Variants in NSUN4 observed in about 807,000 individuals in gnomAD.
NSUN4 encodes the protein 5-cytosine rRNA methyltransferase NSUN4.
A neutral mutation model predicts 43.8 loss-of-function variants in NSUN4; 31 were observed. The observed-to-expected ratio is 0.71, with a 90% CI of 0.53 to 0.96. The LOEUF (loss-of-function observed/expected upper bound fraction) is 0.96. NSUN4 is among the 40% of genes least tolerant of loss of function. The pLI is 0.00. For missense variants in NSUN4, 439 were observed against 475.6 expected, an observed-to-expected ratio of 0.92 and a Z score of 0.72; for synonymous variants, 167 against 184.1, an observed-to-expected ratio of 0.91 and a Z score of 0.75.
At chr1:46,357,445 C>T (rs776245470) in intron 4 of NSUN4, among the ~76,000 whole-genome samples, 6 of 152,190 alleles carry the variant, frequency 3.9e-5, no homozygotes, top group Non-Finnish European at 5.9e-5. Context: ...GGCCTCTCAA[C>T]ATGAACATTT....
chr1:46,383,013 C>T, the NSUN4 span, among the ~76,000 whole-genome samples: 23 of 152,266 alleles, frequency 1.5e-4, 1 homozygote, highest in East Asian at 2.9e-3. Context: ...TGTCTGTATC[C>T]GTGTAATTCA....
At chr1:46,352,584 G>C (rs1663079391) in intron 3 of NSUN4, among the ~76,000 whole-genome samples, 1 of 151,946 alleles carries the variant, frequency 6.6e-6, no homozygotes, top group Non-Finnish European at 1.5e-5. Context: ...GAAAGAAAGG[G>C]GAGAAAGGGG....
At chr1:46,384,745 C>T in the NSUN4 span, among the ~76,000 whole-genome samples, 1 of 152,072 alleles carries the variant, frequency 6.6e-6, no homozygotes, top group Non-Finnish European at 1.5e-5. Context: ...TCCCTTTCCG[C>T]TGTATCAAAA....
the NSUN4 span, among the ~76,000 whole-genome samples, chr1:46,382,219 G>A: frequency 6.6e-6 from 1 of 152,170 alleles, no homozygotes. Flanking sequence ...ACCTCCACCC[G>A]GGAGCCCCTC....
chr1:46,384,955 G>T, the NSUN4 span, among the ~76,000 whole-genome samples: 1 of 152,168 alleles, frequency 6.6e-6, no homozygotes, highest in African/African-American at 2.4e-5. Context: ...TAATTCCTAA[G>T]AAATTGATCT....
At chr1:46,380,060 C>T in the NSUN4 span, among the ~76,000 whole-genome samples, 1 of 152,090 alleles carries the variant, frequency 6.6e-6, no homozygotes, top group Non-Finnish European at 1.5e-5. Context: ...GAAAGGCTCA[C>T]AGAAGAGAAA....
At chr1:46,355,405 C>A (rs975663296) in intron 4 of NSUN4, among the ~76,000 whole-genome samples, 2 of 152,136 alleles carry the variant, frequency 1.3e-5, no homozygotes, top group African/African-American at 4.8e-5. Flanking sequence ...GTCCTGGTTC[C>A]ATTACTTATC....
Position 46,346,543 on chromosome 1 carries a change from CTG to C in NSUN4, c.438-374_438-373del, listed in dbSNP as rs1478812489. ...CTCCAGCCTGGGCAACAGAGCGAGA[CTG>C]TGTCTCAAAAAAAAAAAAAAAAAAA... On this transcript the variant is annotated intron_variant, in intron 2 of 5. Transcript: ENST00000474844. 6.1e-3 allele frequency among the ~76,000 whole-genome samples: 659 copies of C among 107,916 alleles called. 4 individuals carry two copies. The highest frequency in any genetic ancestry group is 0.024 in the African/African-American group (602 of 25,536). 70.8% of individuals were successfully genotyped at this position (107,916 alleles called of 152,430 possible).
intron 1 of NSUN4, chr1:46,342,023 A>G (rs548983123): frequency 4.4e-4 from 514 of 1,165,852 alleles, no homozygotes; most frequent in Middle Eastern, 1.9e-3. Context: ...TGGAAACTGG[A>G]CCCATGATTT....
intron 1 of NSUN4, chr1:46,343,813 C>G (rs1366898743): frequency 5.0e-6 from 2 of 400,400 alleles, no homozygotes; most frequent in Non-Finnish European, 8.8e-6. Context: ...TGGCAAAAGT[C>G]GGAACCGGAG....
chr1:46,377,655 C>T, the NSUN4 span, among the ~76,000 whole-genome samples: 8 of 152,250 alleles, frequency 5.3e-5, no homozygotes, highest in Non-Finnish European at 8.8e-5. Context: ...AAAATGTTTT[C>T]GTAATAAAAT....
chr1:46,360,250 ATAT>A lies in NSUN4; in HGVS notation c.754-453_754-451del, dbSNP rs1251848802. Reference sequence around the variant, plus strand: ...TCTCAAAAAAAAAAAAAAAAAAAAAATATATATATATATATATATATATATATG... The same window carrying A: ...TCTCAAAAAAAAAAAAAAAAAAAAAAATATATATATATATATATATATATG... On this transcript the variant is annotated intron_variant, in intron 4 of 5. Transcript: ENST00000474844. Among the ~76,000 whole-genome samples the A allele has an allele frequency of 4.8e-3, 91 of 18,848 alleles. 2 individuals carry two copies. Among genetic ancestry groups the A allele is most frequent in the East Asian group, 0.019 (7 of 364 alleles). 12.4% of individuals were successfully genotyped at this position (18,848 alleles called of 152,430 possible). A position where few individuals can be genotyped will look rare whatever the true frequency, so the allele number is the denominator to read the frequency against.
At chr1:46,355,431 G>A (rs148071378) in intron 4 of NSUN4, among the ~76,000 whole-genome samples, 81 of 152,218 alleles carry the variant, frequency 5.3e-4, no homozygotes, top group African/African-American at 1.8e-3. Flanking sequence ...GAGAAGTTTC[G>A]GTGAGTTACT....
At chr1:46,383,269 ACT>A in the NSUN4 span, among the ~76,000 whole-genome samples, 2 of 151,618 alleles carry the variant, frequency 1.3e-5, no homozygotes, top group East Asian at 3.9e-4. Context: ...CGCCCCAGAG[ACT>A]CTTCCAGTGT....
At chr1:46,359,236 G>C (rs1663625156) in intron 4 of NSUN4, among the ~76,000 whole-genome samples, 1 of 152,010 alleles carries the variant, frequency 6.6e-6, no homozygotes, top group African/African-American at 2.4e-5. Context: ...CTCCAGCCTG[G>C]GTGACAGAGC....
chr1:46,353,601 G>A (rs377524380), intron 4 of NSUN4, among the ~76,000 whole-genome samples: 70 of 151,796 alleles, frequency 4.6e-4, no homozygotes, highest in African/African-American at 1.4e-3. Flanking sequence ...TCAGCCTCCC[G>A]AGTAGCTGGG....
chr1:46,347,489 T>G (rs1269031819), intron 3 of NSUN4, among the ~76,000 whole-genome samples: 1 of 151,894 alleles, frequency 6.6e-6, no homozygotes, highest in Non-Finnish European at 1.5e-5. Flanking sequence ...AAAGTCAGAG[T>G]GGAGGGTAGT....
rs748620478 is a variant in NSUN4, at chr1:46,361,894, A to T, written c.*48A>T. ...GAATACAAAGGGTATACTCTGTTGG[A>T]TGCACCAGAAACTGGAAACTGGGAC... is the stretch of plus-strand genomic sequence containing the variant. On this transcript the variant is annotated 3_prime_UTR_variant, in exon 6 of 6. Coordinates refer to ENST00000474844, the MANE Select transcript of NSUN4 (RefSeq NM_199044.4). 2.0e-6 allele frequency: 3 copies of T among 1,530,906 alleles called. No individual in the cohort carries two copies. Among genetic ancestry groups the T allele is most frequent in the Non-Finnish European group, 2.7e-6 (3 of 1,128,466 alleles). 94.8% of individuals were successfully genotyped at this position (1,530,906 alleles called of 1,614,324 possible). A position where few individuals can be genotyped will look rare whatever the true frequency, so the allele number is the denominator to read the frequency against.
chr1:46,371,186 G>T, the NSUN4 span, among the ~76,000 whole-genome samples: 3 of 151,010 alleles, frequency 2.0e-5, no homozygotes, highest in African/African-American at 7.3e-5. Context: ...GCCCAGGCTG[G>T]AGTGCAGTGG....
Sources: gnomAD v4.1 joint callset for allele counts (sites outside exome capture counted in the v4.1 genomes callset) on GRCh38, gnomAD v4.1.1 for gene constraint, MANE v1.5 for transcripts, NCBI Gene and HGNC (gene_info 2026-07-23, HGNC 2026-07-21) for gene names.